Variants in IL1RAPL2 observed in about 807,000 individuals in gnomAD.
IL1RAPL2 encodes the protein interleukin 1 receptor accessory protein like 2.
IL1RAPL2 carries 3 observed loss-of-function variants against 44.1 expected under a neutral mutation model. The observed-to-expected ratio is 0.07, with a 90% CI of 0.03 to 0.18. IL1RAPL2 has a LOEUF of 0.18. IL1RAPL2 is among the 10% of genes least tolerant of loss of function. IL1RAPL2 has a pLI of 1.00. For synonymous variants in IL1RAPL2, 181 were observed against 178.8 expected (o/e 1.01, Z -0.10); for missense variants, 391 against 496.4 (o/e 0.79, Z 2.02).
chrX:105,544,025 A>C (rs188392080), intron 6 of IL1RAPL2, among the ~76,000 whole-genome samples: 4 of 111,818 alleles, frequency 3.6e-5, no homozygotes, highest in Non-Finnish European at 5.6e-5. Context: ...CATTTTGAAA[A>C]TGTTGAGTCT....
intron 6 of IL1RAPL2, among the ~76,000 whole-genome samples, chrX:105,687,215 A>G (rs1182828767): frequency 9.1e-6 from 1 of 110,146 alleles, no homozygotes; most frequent in East Asian, 2.8e-4. Context: ...GCAAGAAATA[A>G]CTAAGATCAG....
chrX:105,640,643 T>C (rs1203857873), intron 6 of IL1RAPL2, among the ~76,000 whole-genome samples: 5 of 68,779 alleles, frequency 7.3e-5, no homozygotes, highest in African/African-American at 2.9e-4. Context: ...ACACAAATTA[T>C]GTATGTGTGT....
intron 6 of IL1RAPL2, among the ~76,000 whole-genome samples, chrX:105,485,968 A>G (rs2036263319): frequency 8.9e-6 from 1 of 111,937 alleles, no homozygotes; most frequent in Non-Finnish European, 1.9e-5. Flanking sequence ...TTTTGGGTAT[A>G]TGCCTAGCTG....
At chrX:105,585,511 C>A (rs1325806184) in intron 6 of IL1RAPL2, among the ~76,000 whole-genome samples, 3 of 110,950 alleles carry the variant, frequency 2.7e-5, no homozygotes, top group Non-Finnish European at 3.8e-5. Context: ...CTAATGCTCT[C>A]CCCCACCTGC....
intron 1 of IL1RAPL2, among the ~76,000 whole-genome samples, chrX:104,640,768 C>T (rs1403704109): frequency 8.9e-6 from 1 of 111,868 alleles, no homozygotes; most frequent in Non-Finnish European, 1.9e-5. Context: ...TATATAGCAT[C>T]GTTAATGCCT....
intron 2 of IL1RAPL2, among the ~76,000 whole-genome samples, chrX:104,892,934 C>G (rs1923508303): frequency 8.9e-6 from 1 of 112,140 alleles, no homozygotes; most frequent in African/African-American, 3.2e-5. Context: ...GCATTTAGTG[C>G]TATAAATTTC....
At chrX:105,161,413 T>G (rs1470219122) in intron 2 of IL1RAPL2, among the ~76,000 whole-genome samples, 2 of 109,209 alleles carry the variant, frequency 1.8e-5, no homozygotes, top group Non-Finnish European at 3.8e-5. Flanking sequence ...TTGCTCCAGG[T>G]GATGGTGCCA....
At chrX:105,495,833 G>A (rs970609429) in intron 6 of IL1RAPL2, among the ~76,000 whole-genome samples, 4 of 111,306 alleles carry the variant, frequency 3.6e-5, no homozygotes, top group African/African-American at 1.3e-4. Context: ...AACCATCTGA[G>A]TGGACTCCTC....
chrX:105,238,263 A>T (rs1349540757), intron 4 of IL1RAPL2, among the ~76,000 whole-genome samples: 1 of 112,347 alleles, frequency 8.9e-6, no homozygotes, highest in Non-Finnish European at 1.9e-5. Flanking sequence ...GTTATAGTTG[A>T]CAGTGTACAG....
intron 1 of IL1RAPL2, among the ~76,000 whole-genome samples, chrX:104,648,889 GA>G (rs1365500541): frequency 9.0e-6 from 1 of 111,436 alleles, no homozygotes; most frequent in African/African-American, 3.3e-5. Context: ...AAATCAAAAA[GA>G]AACCCTATAG....
At chrX:105,740,168 C>A (rs1051212173) in intron 7 of IL1RAPL2, among the ~76,000 whole-genome samples, 6 of 110,811 alleles carry the variant, frequency 5.4e-5, no homozygotes, top group African/African-American at 2.0e-4. Flanking sequence ...CAGAGCAGAA[C>A]TGAAGGAAAT....
intron 2 of IL1RAPL2, among the ~76,000 whole-genome samples, chrX:104,853,875 C>T (rs1165323561): frequency 2.2e-5 from 2 of 92,826 alleles, no homozygotes; most frequent in Non-Finnish European, 4.2e-5. Context: ...TGCACTCCAG[C>T]CTGGGCGACA....
intron 5 of IL1RAPL2, among the ~76,000 whole-genome samples, chrX:105,353,916 C>T (rs1173869349): frequency 1.8e-5 from 2 of 111,107 alleles, no homozygotes; most frequent in African/African-American, 6.6e-5. Flanking sequence ...TAATTGAATA[C>T]TCTTTATTTC....
intron 2 of IL1RAPL2, among the ~76,000 whole-genome samples, chrX:105,066,930 GGA>G (rs2032144520): frequency 9.0e-6 from 1 of 111,488 alleles, no homozygotes. Flanking sequence ...AGTGGTGTCA[GGA>G]GGGTGCTTTA....
chrX:105,556,309 T>C (rs939037890), intron 6 of IL1RAPL2, among the ~76,000 whole-genome samples: 1 of 111,820 alleles, frequency 8.9e-6, no homozygotes, highest in African/African-American at 3.2e-5. Flanking sequence ...TACCCACAAC[T>C]ACTTGGTAGT....
chrX:105,360,913 C>G (rs749724704), intron 5 of IL1RAPL2, among the ~76,000 whole-genome samples: 4 of 111,594 alleles, frequency 3.6e-5, no homozygotes, highest in African/African-American at 1.3e-4. Flanking sequence ...GTGTTTGAAG[C>G]CAACTCATCA....
rs1236056614 is a variant in IL1RAPL2 at position 105,767,551 on chromosome X, G to A, written c.1951G>A (p.Gly651Arg). ...YCNLPLTLLN[G>R]QLPLNNTLKD... is the part of the protein sequence containing the mutation. ...TAACCTGCCTCTGACGCTACTCAAC[G>A]GACAGCTACCCCTTAATAACACCCT... is the stretch of plus-strand genomic sequence containing the variant. The change falls in exon 11 of 11, where the codon GGA becomes AGA. Residue 651 changes from glycine (G) to arginine (R), a missense_variant. This residue lies in a region of IL1RAPL2 where 232 missense variants were observed against 244.8 expected (regional missense o/e 0.95). Transcript: ENST00000372582. The A allele has an allele frequency of 2.5e-6, 3 of 1,209,749 alleles. No individual in the cohort carries two copies. Among genetic ancestry groups the A allele is most frequent in the East Asian group, 3.0e-5 (1 of 33,801 alleles).
intron 5 of IL1RAPL2, among the ~76,000 whole-genome samples, chrX:105,397,355 G>A (rs1420682812): frequency 5.4e-5 from 6 of 111,037 alleles, no homozygotes; most frequent in Non-Finnish European, 1.1e-4. Flanking sequence ...GGGTCATTGA[G>A]TTAGGGGATC....
chrX:105,506,340 C>G (rs748833628), intron 6 of IL1RAPL2, among the ~76,000 whole-genome samples: 58 of 111,696 alleles, frequency 5.2e-4, no homozygotes, highest in Non-Finnish European at 9.0e-4. Flanking sequence ...CGGTTCCATT[C>G]AGCTGAGAGC....
Sources: allele counts gnomAD v4.1 joint callset (sites outside exome capture counted in the v4.1 genomes callset), GRCh38; gene constraint gnomAD v4.1.1; regional missense constraint gnomAD v4.1.1; transcripts MANE v1.5; gene names NCBI Gene and HGNC (gene_info 2026-07-23, HGNC 2026-07-21).